MAP3K14: variants seen among roughly 807,000 people sequenced by gnomAD.
The protein encoded by MAP3K14 is NF-kappa-beta-inducing kinase.
A neutral mutation model predicts 99.2 loss-of-function variants in MAP3K14; 16 were observed. The ratio of observed to expected loss-of-function variants is 0.16; its 90% CI spans 0.11 to 0.24. The LOEUF is 0.24. Ranked by LOEUF, MAP3K14 falls within the 10% of genes least tolerant of loss-of-function variation. The pLI is 1.00. For missense variants in MAP3K14, 784 were observed against 1,208.7 expected (o/e 0.65, Z 5.21); for synonymous variants, 462 against 492.4 (o/e 0.94, Z 0.82).
intron 1 of MAP3K14, among the ~76,000 whole-genome samples, chr17:45,293,310 C>CATGGCCCAACGGAGGCTTCTGG: frequency 6.6e-6 from 1 of 152,200 alleles, no homozygotes; most frequent in Non-Finnish European, 1.5e-5. Context: ...CTCCGCCTGG[C>CATGGCCCAACGGAGGCTTCTGG]ATGGCCCAAC....
chr17:45,278,831 C>T (rs895988002), intron 6 of MAP3K14, among the ~76,000 whole-genome samples: 1 of 152,054 alleles, frequency 6.6e-6, no homozygotes, highest in African/African-American at 2.4e-5. Flanking sequence ...AGGTGCCATG[C>T]CCAGCTAATT....
chr17:45,279,508 CT>C (rs2044204364), intron 6 of MAP3K14, among the ~76,000 whole-genome samples: 1 of 151,784 alleles, frequency 6.6e-6, no homozygotes, highest in Admixed American at 6.6e-5. Context: ...TCTTGGCTCA[CT>C]GCAACCTCTG....
chr17:45,268,862 G>C (rs2044119553), intron 11 of MAP3K14, among the ~76,000 whole-genome samples: 1 of 152,130 alleles, frequency 6.6e-6, no homozygotes, highest in African/African-American at 2.4e-5. Context: ...CTTGGTCTCA[G>C]TCTGCAGACG....
At chr17:45,268,454 T>A (rs1191698073) in intron 11 of MAP3K14, 2 of 152,210 alleles carry the variant, frequency 1.3e-5, no homozygotes, top group African/African-American at 4.8e-5. Flanking sequence ...GGTCTCATCA[T>A]GTTGCCCAGG....
chr17:45,270,768 A>G, intron 10 of MAP3K14: 2 of 823,848 alleles, frequency 2.4e-6, no homozygotes, highest in Non-Finnish European at 3.7e-6. Flanking sequence ...AGAGCCAGGC[A>G]GCAAGACGCC....
chr17:45,267,961 G>C lies in MAP3K14; in HGVS notation c.1973-202C>G. The C allele has an allele frequency of 1.9e-6, 1 of 540,064 alleles. No individual in the cohort carries two copies. Among genetic ancestry groups the C allele is most frequent in the African/African-American group, 2.0e-5 (1 of 50,278 alleles). 33.5% of individuals were successfully genotyped at this position (540,064 alleles called of 1,614,324 possible). ...TTCCTCAATAAAATGGTCCCAATAT[G>C]ACAGGGATAGGACTGGATTTCTGTC... On this transcript the variant is annotated intron_variant, in intron 11 of 15. Coordinates refer to ENST00000344686, the MANE Select transcript of MAP3K14 (RefSeq NM_003954.5). This position sits in a 1 kb window ranked among gnomAD's most constrained non-coding sequence, Gnocchi z 5.1.
chr17:45,316,629 C>T lies in MAP3K14; in HGVS notation c.-21+331G>A, dbSNP rs2044535773. 2.6e-5 allele frequency among the ~76,000 whole-genome samples: 4 copies of T among 152,296 alleles called. No individual in the cohort carries two copies. In the South Asian group the frequency reaches 8.3e-4, roughly 32 times the overall value. On this transcript the variant is annotated intron_variant, in intron 1 of 15. Transcript: ENST00000344686. ...ATCCTGGGGGCACTGGGGCGCAGAGCAGGCGGGCGGGCCTGGCGGCGGCGC... is the reference window on the plus strand; with the variant it reads ...ATCCTGGGGGCACTGGGGCGCAGAGTAGGCGGGCGGGCCTGGCGGCGGCGC...
intron 6 of MAP3K14, chr17:45,282,090 CTTTT>C (rs774793808): frequency 1.2e-4 from 18 of 152,090 alleles, no homozygotes; most frequent in Non-Finnish European, 2.4e-4. Context: ...TTTGAAATTT[CTTTT>C]TTATTTCTAT....
At chr17:45,291,166 C>A (rs2044307180) in intron 1 of MAP3K14, among the ~76,000 whole-genome samples, 2 of 152,168 alleles carry the variant, frequency 1.3e-5, no homozygotes, top group Non-Finnish European at 2.9e-5. Context: ...TCCCAGACTC[C>A]AAAACCATGG....
intron 15 of MAP3K14, 86 bp downstream of exon 15, chr17:45,265,074 ACTT>A (rs1414939281): frequency 4.5e-6 from 5 of 1,107,366 alleles, no homozygotes; most frequent in Non-Finnish European, 6.9e-6. Context: ...GTGCCATTCT[ACTT>A]CTTTGAAAGC....
chr17:45,292,021 C>T (rs1332213795), intron 1 of MAP3K14, among the ~76,000 whole-genome samples: 1 of 152,248 alleles, frequency 6.6e-6, no homozygotes, highest in African/African-American at 2.4e-5. Context: ...TTGAAGCATT[C>T]CTCCTTCTGA....
chr17:45,273,934 C>T (rs2044159651), intron 8 of MAP3K14, 189 bp downstream of exon 8: 2 of 747,442 alleles, frequency 2.7e-6, no homozygotes, highest in Non-Finnish European at 4.3e-6. Context: ...CACCGTCTAC[C>T]AGAAACTACA....
chr17:45,273,854 T>A, intron 8 of MAP3K14: 3 of 645,572 alleles, frequency 4.6e-6, no homozygotes, highest in Non-Finnish European at 8.5e-6. Flanking sequence ...GCTGCCACTC[T>A]GCTCGCCTGC....
intron 2 of MAP3K14, among the ~76,000 whole-genome samples, chr17:45,289,862 C>G (rs2044296712): frequency 6.6e-6 from 1 of 152,206 alleles, no homozygotes; most frequent in Non-Finnish European, 1.5e-5. Flanking sequence ...CCCCAAGAAG[C>G]CTCCCGGGTT....
Position 45,266,766 on chromosome 17 carries a change from C to T in MAP3K14, c.2434-85G>A, listed in dbSNP as rs560703065. 265 of 1,432,194 alleles carry T rather than the reference C, an allele frequency of 1.9e-4. 2 individuals carry two copies. In the South Asian group the frequency reaches 2.7e-3, roughly 15 times the overall value. 88.7% of individuals were successfully genotyped at this position (1,432,194 alleles called of 1,614,324 possible). A position where few individuals can be genotyped will look rare whatever the true frequency, so the allele number is the denominator to read the frequency against. ...TTGGGTCTCATTTGGGGAAAAGGGG[C>T]ACTGCTCATGCCCTCAGCTGGAGGA... On this transcript the variant is annotated intron_variant, in intron 13 of 15. Coordinates refer to ENST00000344686, the MANE Select transcript of MAP3K14 (RefSeq NM_003954.5).
intron 9 of MAP3K14, among the ~76,000 whole-genome samples, chr17:45,271,834 G>T (rs1245547174): frequency 1.3e-5 from 2 of 152,154 alleles, no homozygotes; most frequent in East Asian, 3.8e-4. Context: ...AAATTAGGTT[G>T]TAGAAGGCTA....
chr17:45,270,463 C>T lies in MAP3K14; in HGVS notation c.1922G>A (p.Arg641His), dbSNP rs1160658832. The T allele has an allele frequency of 2.5e-6, 4 of 1,612,218 alleles. No individual in the cohort carries two copies. The highest frequency in any genetic ancestry group is 1.8e-4 in the Middle Eastern group (1 of 5,416). Reference sequence around the variant, plus strand: ...CCCTCCCAGCTCCGCTGCAGACACGCGGTGGATGGGCTCTTTCCTCAGCCC... The same window carrying T: ...CCCTCCCAGCTCCGCTGCAGACACGTGGTGGATGGGCTCTTTCCTCAGCCC... ...QEGLRKEPIH[R>H]VSAAELGGKV... Residue 641 changes from arginine to histidine, a missense_variant, in exon 11 of 16, where the codon CGC becomes CAC. Physicochemically the swap from Arg to His is conservative, Grantham distance 29. Coordinates refer to ENST00000344686, the MANE Select transcript of MAP3K14 (RefSeq NM_003954.5).
At chr17:45,271,977 T>C (rs557446041) in intron 9 of MAP3K14, among the ~76,000 whole-genome samples, 110 of 152,318 alleles carry the variant, frequency 7.2e-4, no homozygotes, top group African/African-American at 2.1e-3. Context: ...GTGGTTTTTT[T>C]CCTGGTGATT....
chr17:45,280,444 C>A (rs751893520), intron 6 of MAP3K14, among the ~76,000 whole-genome samples: 2 of 151,652 alleles, frequency 1.3e-5, no homozygotes. Flanking sequence ...GCTGAGATTA[C>A]AGGCATGCGC....
Sources: gnomAD v4.1 joint callset for allele counts (sites outside exome capture counted in the v4.1 genomes callset) on GRCh38, gnomAD v4.1.1 for gene constraint, Gnocchi (gnomAD v3.1) non-coding constraint, MANE v1.5 for transcripts, NCBI Gene and HGNC (gene_info 2026-07-23, HGNC 2026-07-21) for gene names.